The following INSR variants were observed in gnomAD, a reference collection of about 807,000 sequenced individuals.
The protein encoded by INSR is IR.
A neutral mutation model predicts 142.6 loss-of-function variants in INSR; 67 were observed. The ratio of observed to expected loss-of-function variants is 0.47; its 90% CI spans 0.39 to 0.58. The LOEUF (loss-of-function observed/expected upper bound fraction) is 0.58. INSR is among the 20% of genes least tolerant of loss of function. The pLI is 0.00. For synonymous variants in INSR, 756 were observed against 743.1 expected, an observed-to-expected ratio of 1.02 and a Z score of -0.28; for missense variants, 1,248 against 1,833.2, an observed-to-expected ratio of 0.68 and a Z score of 5.83.
At chr19:7,209,311 T>A (rs1341037905) in intron 2 of INSR, among the ~76,000 whole-genome samples, 1 of 152,200 alleles carries the variant, frequency 6.6e-6, no homozygotes, top group Admixed American at 6.5e-5. Context: ...GGGTGACCAA[T>A]GCATCGCTCT....
intron 5 of INSR, among the ~76,000 whole-genome samples, chr19:7,171,666 A>G (rs1375573841): frequency 6.6e-6 from 1 of 152,102 alleles, no homozygotes; most frequent in African/African-American, 2.4e-5. Flanking sequence ...TCTACTCACA[A>G]TGCAGCCCAA....
At chr19:7,237,611 C>G (rs1056245856) in intron 2 of INSR, among the ~76,000 whole-genome samples, 69 of 152,010 alleles carry the variant, frequency 4.5e-4, no homozygotes, top group African/African-American at 1.6e-3. Context: ...GTCAGGAGAT[C>G]GAGACCATCC....
At position 7,164,163 on chromosome 19, in the gene INSR, T is replaced by C. The variant is rs145198283; in HGVS notation, c.1862-964A>G. Among the ~76,000 whole-genome samples the C allele has an allele frequency of 8.6e-5, 13 of 151,302 alleles. No individual in the cohort carries two copies. The East Asian group carries it at 2.3e-3, about 27-fold the overall frequency. ...ACGGGGTTTCTCACCCTTAGTACTA[T>C]TGGCTTTTAGGACTGGATAATTCTT... On this transcript the variant is annotated intron_variant, in intron 8 of 21. Transcript: ENST00000302850.
At chr19:7,246,668 G>T (rs918937967) in intron 2 of INSR, among the ~76,000 whole-genome samples, 2 of 152,080 alleles carry the variant, frequency 1.3e-5, no homozygotes, top group Non-Finnish European at 2.9e-5. Context: ...ATGATTGAAC[G>T]TGGATACAAC....
chr19:7,288,658 G>GA (rs57281993), intron 1 of INSR, among the ~76,000 whole-genome samples: 3,052 of 97,058 alleles, frequency 0.031, 53 homozygotes, highest in Non-Finnish European at 0.047. Context: ...ATAAAAATTG[G>GA]AAAAAAAAAA....
rs771406570 is a variant in INSR, at chr19:7,174,613, C to T, written c.1093G>A (p.Gly365Arg). The T allele has an allele frequency of 2.5e-6, 4 of 1,614,042 alleles. No individual in the cohort carries two copies. Among genetic ancestry groups the T allele is most frequent in the Admixed American group, 1.7e-5 (1 of 59,986 alleles). The change falls in exon 4 of 22, where the codon GGG becomes AGG. Residue 365 changes from glycine to arginine, a missense_variant. By Grantham distance (125) the Gly-to-Arg change is moderately radical. This residue lies in a region of INSR where 1,069 missense variants were observed against 1,654.0 expected (regional missense o/e 0.65). Transcript: ENST00000302850. ...QELRGCTVINGSLIINIRGGN... is the reference protein window; with the variant it reads ...QELRGCTVINRSLIINIRGGN... ...CCTCGAATGTTGATGATCAGACTCC[C>T]GTTGATGACGGTGCATCCTCGGAGC...
chr19:7,211,096 C>T (rs978679190), intron 2 of INSR, among the ~76,000 whole-genome samples: 2 of 152,062 alleles, frequency 1.3e-5, no homozygotes, highest in South Asian at 4.1e-4. Context: ...GAAAGAGGAT[C>T]TCGCTCAGCT....
At chr19:7,170,449 C>T (rs1401726765) in intron 6 of INSR, 88 bp downstream of exon 6, 2 of 945,858 alleles carry the variant, frequency 2.1e-6, no homozygotes, top group Non-Finnish European at 3.5e-6. Flanking sequence ...CATGCTGAAA[C>T]CATCCCCACC....
rs2144880708 is a variant in INSR, at chr19:7,149,927, A to G, written c.2267+570T>C. Among the ~76,000 whole-genome samples the G allele has an allele frequency of 1.4e-5, 2 of 141,814 alleles. 1 individual carries two copies. Among genetic ancestry groups the G allele is most frequent in the African/African-American group, 5.2e-5 (2 of 38,324 alleles). The allele number at this position is 141,814 out of a possible 152,430, so 93.0% of individuals were successfully genotyped here. On this transcript the variant is annotated intron_variant, in intron 11 of 21. Transcript: ENST00000302850. Reference sequence around the variant, plus strand: ...AAAGAAGGAAAGAAAGAAAGAAGGAAAAAAAGAAAGAAGGAAGGAAGGAAG... The same window carrying G: ...AAAGAAGGAAAGAAAGAAAGAAGGAGAAAAAGAAAGAAGGAAGGAAGGAAG...
At chr19:7,293,290 T>C (rs566965771) in intron 1 of INSR, among the ~76,000 whole-genome samples, 17 of 152,192 alleles carry the variant, frequency 1.1e-4, no homozygotes, top group Non-Finnish European at 2.1e-4. Flanking sequence ...TCCAAGGTAG[T>C]TGGGTAGAGG....
rs1973797897 is a variant in INSR, at chr19:7,163,075, C to T, written c.1986G>A (p.Gln662=). 7 of 1,613,896 alleles carry T rather than the reference C, an allele frequency of 4.3e-6. No individual in the cohort carries two copies. The highest frequency in any genetic ancestry group is 1.7e-5 in the Admixed American group (1 of 59,978). The part of the protein sequence containing the change: ...ITHYLVFWER[Q]AEDSELFELD... ...GCTCGAACAGCTCACTGTCTTCCGCCTGCCTCTCCCAGAAAACCAGGTAGT... is the reference window on the plus strand; with the variant it reads ...GCTCGAACAGCTCACTGTCTTCCGCTTGCCTCTCCCAGAAAACCAGGTAGT... The change falls in exon 9 of 22, where the codon CAG becomes CAA. Residue 662 remains glutamine, a synonymous_variant. Coordinates refer to ENST00000302850, the MANE Select transcript of INSR (RefSeq NM_000208.4).
intron 1 of INSR, among the ~76,000 whole-genome samples, chr19:7,275,773 C>A (rs1297746128): frequency 6.7e-6 from 1 of 148,296 alleles, no homozygotes; most frequent in South Asian, 2.1e-4. Flanking sequence ...GATGACAGAG[C>A]GAGACTCCAT....
intron 2 of INSR, among the ~76,000 whole-genome samples, chr19:7,242,227 G>A (rs983998484): frequency 1.3e-5 from 2 of 151,902 alleles, no homozygotes; most frequent in African/African-American, 2.4e-5. Flanking sequence ...AGGCAAGCCA[G>A]ATGTGGTGGT....
At chr19:7,250,788 G>A (rs1202827202) in intron 2 of INSR, among the ~76,000 whole-genome samples, 1 of 152,150 alleles carries the variant, frequency 6.6e-6, no homozygotes, top group Non-Finnish European at 1.5e-5. Flanking sequence ...ACTGCAGAGA[G>A]TGCTGAAATG....
intron 1 of INSR, among the ~76,000 whole-genome samples, chr19:7,270,335 T>TCACACACACACACA (rs1277505424): frequency 3.6e-4 from 30 of 83,300 alleles, no homozygotes; most frequent in Non-Finnish European, 4.9e-4. Context: ...TCTCTCTCTC[T>TCACACACACACACA]CTCTCACACA....
chr19:7,113,647 G>A lies in INSR; in HGVS notation c.*3409C>T, dbSNP rs1286010147. ...AGTGTTATCCTAAGCTGGTTTTGTT[G>A]CTTTTTGTTGTTGTTGTTGCAACTT... On this transcript the variant is annotated 3_prime_UTR_variant, in exon 22 of 22. Coordinates refer to ENST00000302850, the MANE Select transcript of INSR (RefSeq NM_000208.4). The A allele has an allele frequency of 6.6e-6, 1 of 152,134 alleles. No homozygotes were observed. Among genetic ancestry groups the A allele is most frequent in the Non-Finnish European group, 1.5e-5 (1 of 68,016 alleles). 9.4% of individuals were successfully genotyped at this position (152,134 alleles called of 1,614,324 possible). A position where few individuals can be genotyped will look rare whatever the true frequency, so the allele number is the denominator to read the frequency against.
chr19:7,134,548 C>T (rs1002244979), intron 13 of INSR, among the ~76,000 whole-genome samples: 1 of 151,816 alleles, frequency 6.6e-6, no homozygotes, highest in African/African-American at 2.4e-5. Context: ...GGGCAGATCA[C>T]GAGGTCAAGA....
chr19:7,153,239 A>ACACAC (rs1973466916), intron 9 of INSR, among the ~76,000 whole-genome samples: 1 of 99,842 alleles, frequency 1.0e-5, no homozygotes, highest in Non-Finnish European at 2.0e-5. Context: ...CACACACACC[A>ACACAC]TACACGCACC....
chr19:7,282,226 G>A lies in INSR; in HGVS notation c.100+11566C>T, dbSNP rs539255332. ...CTAAAAATACAAAAATTAGCTGGGCGTGGTGGTGTACGCCTGTAATCCCAG... is the reference window on the plus strand; with the variant it reads ...CTAAAAATACAAAAATTAGCTGGGCATGGTGGTGTACGCCTGTAATCCCAG... On this transcript the variant is annotated intron_variant, in intron 1 of 21. Coordinates refer to ENST00000302850, the MANE Select transcript of INSR (RefSeq NM_000208.4). Among the ~76,000 whole-genome samples the A allele has an allele frequency of 1.1e-3, 163 of 152,046 alleles. 1 individual carries two copies. The highest frequency in any genetic ancestry group is 1.0e-3 in the Non-Finnish European group (69 of 68,000).
Sources: gnomAD v4.1 joint callset for allele counts (sites outside exome capture counted in the v4.1 genomes callset) on GRCh38, gnomAD v4.1.1 for gene constraint, gnomAD v4.1.1 regional missense constraint, MANE v1.5 for transcripts, NCBI Gene and HGNC (gene_info 2026-07-23, HGNC 2026-07-21) for gene names.